The following CIDEB variants were observed in gnomAD, a reference collection of about 807,000 sequenced individuals.
CIDEB encodes lipid transferase CIDEB.
In CIDEB, 27 loss-of-function variants were observed where a neutral mutation model predicts 22.4. The ratio of observed to expected loss-of-function variants is 1.21; its 90% confidence interval spans 0.89 to 1.66. The LOEUF (loss-of-function observed/expected upper bound fraction) is 1.66, where lower values mean the gene tolerates loss of function less well. CIDEB is among the 40% of genes most tolerant of loss of function. CIDEB has a pLI of 0.00. For missense variants in CIDEB, 289 were observed against 268.7 expected, an observed-to-expected ratio of 1.08 and a Z score of -0.53; for synonymous variants, 103 against 109.5, an observed-to-expected ratio of 0.94 and a Z score of 0.37.
At chr14:24,309,035 G>A (rs2139160898), upstream of CIDEB, 1 of 152,394 alleles carries the variant, frequency 6.6e-6, no homozygotes, top group Non-Finnish European at 1.5e-5. Context: ...GATATACCCA[G>A]GTAGAACAAC....
At chr14:24,307,794 G>A (rs142496946) in intron 1 of CIDEB, 24 bp downstream of exon 1, 2 of 1,584,848 alleles carry the variant, frequency 1.3e-6, no homozygotes, top group Admixed American at 1.8e-5. Context: ...AAGGTGGAGG[G>A]TAGAGCGGAG....
In CIDEB at chr14:24,305,708, T is replaced by A. The variant is rs2041480430; in HGVS notation, c.585A>T (p.Gly195=). ...CTGCATGACGAAGGGTGGAGGAAATTCCCAGCAACATATGGCCCAGGCCTT... is the reference window on the plus strand; with the variant it reads ...CTGCATGACGAAGGGTGGAGGAAATACCCAGCAACATATGGCCCAGGCCTT... The part of the protein sequence containing the change: ...LLQGLGHMLL[G]ISSTLRHAVE... The change falls in exon 5 of 5, where the codon GGA becomes GGT. Residue 195 remains glycine (G), a synonymous_variant. Coordinates refer to ENST00000554411, the MANE Select transcript of CIDEB (RefSeq NM_001393339.1). The A allele has an allele frequency of 6.2e-7, 1 of 1,614,006 alleles. No homozygotes were observed. The highest frequency in any genetic ancestry group is 1.1e-5 in the South Asian group (1 of 91,092).
At chr14:24,308,263 C>G (rs1296792631), upstream of CIDEB, 3 of 262,394 alleles carry the variant, frequency 1.1e-5, no homozygotes, top group Non-Finnish European at 2.3e-5. Context: ...ATGAGTGGCT[C>G]TGTGTGTGCT....
chr14:24,307,299 T>C (rs1055432848), intron 2 of CIDEB, 72 bp downstream of exon 2: 3 of 1,512,394 alleles, frequency 2.0e-6, no homozygotes, highest in Non-Finnish European at 2.7e-6. Flanking sequence ...TGCTCCATCA[T>C]CACAAGTTGC....
Position 24,306,468 on chromosome 14 carries a change from C to G in CIDEB, c.242G>C (p.Gly81Ala), listed in dbSNP as rs749125523. Reference protein sequence around the residue: ...GVLTLVLEEDGTAVDSEDFFQ... With the variant: ...GVLTLVLEEDATAVDSEDFFQ... ...GAAGTCCTCACTGTCCACTGCAGTT[C>G]CATCCTCCTCTAGCACCAGGGTTAG... The change falls in exon 3 of 5, where the codon GGA becomes GCA. Residue 81 changes from glycine (G) to alanine (A), a missense_variant. Gly to Ala is a moderately conservative substitution (Grantham distance 60). Transcript: ENST00000554411. The G allele has an allele frequency of 6.2e-7, 1 of 1,614,246 alleles. No individual in the cohort carries two copies. The highest frequency in any genetic ancestry group is 1.3e-5 in the African/African-American group (1 of 75,074).
chr14:24,309,228 T>C (rs1374951919), upstream of CIDEB: 2 of 152,248 alleles, frequency 1.3e-5, no homozygotes, highest in Non-Finnish European at 2.9e-5. Context: ...CTCTCTCTTG[T>C]TTTACCTTAT....
intron 3 of CIDEB, 98 bp downstream of exon 3, chr14:24,306,276 C>G: frequency 1.3e-6 from 2 of 1,556,126 alleles, no homozygotes; most frequent in East Asian, 4.5e-5. Context: ...ACAACTCCTC[C>G]TGCACCTGGT....
chr14:24,305,606 A>G lies in CIDEB; in HGVS notation c.*27T>C, dbSNP rs2041473434. ...TCTTTGCAGTGGGTCGGTTGGAATGATTCTGGGGGCAGAAGCTCAGAGCCC... is the reference window on the plus strand; with the variant it reads ...TCTTTGCAGTGGGTCGGTTGGAATGGTTCTGGGGGCAGAAGCTCAGAGCCC... On this transcript the variant is annotated 3_prime_UTR_variant, in exon 5 of 5. Transcript: ENST00000554411. 1.9e-6 allele frequency: 3 copies of G among 1,602,574 alleles called. No individual in the cohort carries two copies. The highest frequency in any genetic ancestry group is 2.6e-6 in the Non-Finnish European group (3 of 1,174,794).
chr14:24,305,761 G>A lies in CIDEB; in HGVS notation c.532C>T (p.Leu178Phe). The A allele has an allele frequency of 6.2e-7, 1 of 1,613,200 alleles. No homozygotes were observed. Among genetic ancestry groups the A allele is most frequent in the East Asian group, 2.2e-5 (1 of 44,866 alleles). The part of the protein sequence containing the change: ...GLGPKKVLRE[L>F]LRWTSTLLQG... ...AGCAGTGTGGAGGTCCAACGAAGGA[G>A]CTCCCTGAATGGCAGAGACAAGAGG... Residue 178 changes from leucine (L) to phenylalanine (F), a missense_variant, in exon 5 of 5, where the codon CTC becomes TTC. Leu to Phe is a conservative substitution (Grantham distance 22). Transcript: ENST00000554411.
Position 24,306,148 on chromosome 14 carries a change from C to T in CIDEB, c.337-11G>A, listed in dbSNP as rs768611310. On this transcript the variant is annotated splice_polypyrimidine_tract_variant and intron_variant, in intron 3 of 4. Transcript: ENST00000554411. ...TGACAGCACTCCACTCTGTAGGACA[C>T]CCTTGTCAGTGCAGTAGATCCTCAT... 10 of 1,611,180 alleles carry T rather than the reference C, an allele frequency of 6.2e-6. No individual in the cohort carries two copies. Among genetic ancestry groups the T allele is most frequent in the Non-Finnish European group, 8.5e-6 (10 of 1,178,334 alleles).
At chr14:24,307,168 A>T (rs2041536687) in intron 2 of CIDEB, 1 of 489,910 alleles carries the variant, frequency 2.0e-6, no homozygotes, top group Non-Finnish European at 3.6e-6. Flanking sequence ...TCTCCTGCTA[A>T]CCCCTGCTCC....
At chr14:24,310,903 C>T (rs758414574), upstream of CIDEB, 36 of 1,592,768 alleles carry the variant, frequency 2.3e-5, no homozygotes, top group African/African-American at 4.3e-4. Context: ...CTCTTTGTGG[C>T]CTTCCTGACC....
In CIDEB at chr14:24,306,057, G is replaced by T. The variant is rs760648215; in HGVS notation, c.417C>A (p.Tyr139Ter). 1 of 1,614,138 alleles carries T rather than the reference G, an allele frequency of 6.2e-7. No homozygotes were observed. Among genetic ancestry groups the T allele is most frequent in the South Asian group, 1.1e-5 (1 of 91,080 alleles). ...KDIARFTFDV[Y>*]KQNPRDLFGS... ...CAAAGAGGTCTCGAGGGTTTTGCTT[G>T]TACACGTCAAAGGTGAATCGGGCGA... The change falls in exon 4 of 5, where the codon TAC becomes TAA. Residue 139 changes from tyrosine (Y) to a stop codon, truncating the protein, a stop_gained. Transcript: ENST00000554411. LOFTEE classifies it high-confidence loss of function.
chr14:24,307,862 G>A lies in CIDEB; in HGVS notation c.-4C>T. 1 of 1,587,988 alleles carries A rather than the reference G, an allele frequency of 6.3e-7. No individual in the cohort carries two copies. The stretch of plus-strand genomic sequence containing the variant: ...TCAGAGCTGAGAGGTACTCCATGGT[G>A]GACCGGAGAGTTCCTTCCCTGGAAC... On this transcript the variant is annotated 5_prime_UTR_variant, in exon 1 of 5. Coordinates refer to ENST00000554411, the MANE Select transcript of CIDEB (RefSeq NM_001393339.1).
chr14:24,307,370 C>T lies in CIDEB; in HGVS notation c.186+1G>A. On this transcript the variant is annotated splice_donor_variant, in intron 2 of 4. Transcript: ENST00000554411. LOFTEE classifies it high-confidence loss of function. ...GGAACCGAGGAACTTGGCCTACTTA[C>T]TTTGGCTAGCAGCTCCTGGCGGGTG... 6.2e-7 allele frequency: 1 copy of T among 1,612,168 alleles called. No individual in the cohort carries two copies.
rs2041484103 is a variant in CIDEB, at chr14:24,305,784, A to C, written c.528-19T>G. The C allele has an allele frequency of 6.2e-7, 1 of 1,610,244 alleles. No individual in the cohort carries two copies. The highest frequency in any genetic ancestry group is 1.7e-5 in the Admixed American group (1 of 59,244). ...GAGCTCCCTGAATGGCAGAGACAAG[A>C]GGAAATCAGATGATTTGGAAAACTT... On this transcript the variant is annotated intron_variant, in intron 4 of 4. Coordinates refer to ENST00000554411, the MANE Select transcript of CIDEB (RefSeq NM_001393339.1).
chr14:24,310,286 C>T (rs1227279470), upstream of CIDEB: 1 of 577,072 alleles, frequency 1.7e-6, no homozygotes, highest in African/African-American at 1.9e-5. Flanking sequence ...CCCTTTACAC[C>T]CCACCATCCA....
upstream of CIDEB, chr14:24,310,999 C>A (rs1425389350): frequency 6.3e-7 from 1 of 1,587,820 alleles, no homozygotes; most frequent in African/African-American, 1.4e-5. Context: ...GTGCTGCTCA[C>A]CGGCCTGCTC....
intron 2 of CIDEB, chr14:24,306,881 A>G (rs1203839233): frequency 3.0e-6 from 1 of 335,856 alleles, no homozygotes; most frequent in East Asian, 6.2e-5. Flanking sequence ...GTTCTCCAGA[A>G]GTGTTTTCAG....
Sources: gnomAD v4.1 joint callset for allele counts on GRCh38, gnomAD v4.1.1 for gene constraint, MANE v1.5 for transcripts, NCBI Gene and HGNC (gene_info 2026-07-23, HGNC 2026-07-21) for gene names.